The following SPOCK3 variants were observed in gnomAD, a reference collection of about 807,000 sequenced individuals.
SPOCK3 encodes SPARC (osteonectin), cwcv and kazal like domains proteoglycan 3, also known as testican-3.
Under a neutral mutation model 56.6 loss-of-function variants are expected in SPOCK3, and 30 were observed. That is an observed-to-expected ratio of 0.53 (90% confidence interval 0.40 to 0.72). The LOEUF is 0.72. SPOCK3 is among the 30% of genes least tolerant of loss of function. The pLI is 0.00. For synonymous variants in SPOCK3, 196 were observed against 183.3 expected (o/e 1.07, Z -0.56); for missense variants, 527 against 530.0 (o/e 0.99, Z 0.06).
chr4:166,741,778 C>G (rs998794650), intron 9 of SPOCK3, among the ~76,000 whole-genome samples: 1 of 152,078 alleles, frequency 6.6e-6, no homozygotes, highest in South Asian at 2.1e-4. Flanking sequence ...TAATAACTTT[C>G]AAAATGAACA....
At chr4:166,768,475 G>C (rs2126553332) in intron 7 of SPOCK3, among the ~76,000 whole-genome samples, 1 of 152,180 alleles carries the variant, frequency 6.6e-6, no homozygotes, top group East Asian at 1.9e-4. Flanking sequence ...TGAAATTCTG[G>C]GTTGAAAATT....
In SPOCK3 at chr4:167,113,373, A is replaced by ATTT. The variant is rs35390223; in HGVS notation, c.190-50839_190-50837dup. Reference sequence around the variant, plus strand: ...GCATGGCAGGAGGGTTCTTCTTACAATTTTTTTTTTTTTACCATTAACTAT... The same window carrying ATTT: ...GCATGGCAGGAGGGTTCTTCTTACAATTTTTTTTTTTTTTTTACCATTAACTAT... On this transcript the variant is annotated intron_variant, in intron 2 of 10. Transcript: ENST00000357545. 1.2e-4 allele frequency among the ~76,000 whole-genome samples: 17 copies of ATTT among 145,070 alleles called. 1 individual carries two copies. In the South Asian group the frequency reaches 3.2e-3, roughly 28 times the overall value.
intron 5 of SPOCK3, among the ~76,000 whole-genome samples, chr4:166,902,795 T>C (rs977955749): frequency 6.6e-6 from 1 of 151,308 alleles, no homozygotes; most frequent in Non-Finnish European, 1.5e-5. Context: ...ATATTTTAAT[T>C]AAATGCTATT....
intron 2 of SPOCK3, among the ~76,000 whole-genome samples, chr4:167,221,121 A>G (rs1735868890): frequency 6.6e-6 from 1 of 152,058 alleles, no homozygotes; most frequent in African/African-American, 2.4e-5. Flanking sequence ...ACACTCTGGG[A>G]GGCTGAGGCG....
At chr4:166,959,504 T>C (rs1208883281) in intron 4 of SPOCK3, among the ~76,000 whole-genome samples, 3 of 151,856 alleles carry the variant, frequency 2.0e-5, no homozygotes, top group Non-Finnish European at 4.4e-5. Context: ...TCTCAGCTAC[T>C]TGGGAGGCTG....
chr4:166,996,853 AATT>A (rs1274199641), intron 4 of SPOCK3, among the ~76,000 whole-genome samples: 1 of 152,156 alleles, frequency 6.6e-6, no homozygotes, highest in African/African-American at 2.4e-5. Context: ...TTCAGAGGAC[AATT>A]ATTATTATTT....
intron 4 of SPOCK3, among the ~76,000 whole-genome samples, chr4:166,995,646 C>A (rs945663732): frequency 1.3e-5 from 2 of 151,904 alleles, no homozygotes; most frequent in African/African-American, 4.8e-5. Context: ...GCAGAACACC[C>A]AGAAACTCTG....
chr4:167,112,770 G>T (rs1645385744), intron 2 of SPOCK3, among the ~76,000 whole-genome samples: 1 of 151,990 alleles, frequency 6.6e-6, no homozygotes, highest in Non-Finnish European at 1.5e-5. Context: ...ATACCATGGG[G>T]TGTCATCAAG....
chr4:167,198,060 T>C (rs770632827), intron 2 of SPOCK3, among the ~76,000 whole-genome samples: 151 of 152,282 alleles, frequency 9.9e-4, no homozygotes, highest in Non-Finnish European at 1.6e-3. Context: ...TCTATGTCCA[T>C]GGCTGTATTT....
chr4:166,966,336 C>A (rs909440388), intron 4 of SPOCK3, among the ~76,000 whole-genome samples: 1 of 151,656 alleles, frequency 6.6e-6, no homozygotes, highest in East Asian at 1.9e-4. Flanking sequence ...TTCTGAATAA[C>A]CATGGCTTTC....
At chr4:167,126,566 A>T (rs1488807628) in intron 2 of SPOCK3, among the ~76,000 whole-genome samples, 1 of 151,684 alleles carries the variant, frequency 6.6e-6, no homozygotes, top group Non-Finnish European at 1.5e-5. Context: ...AAACAAAAAA[A>T]GTTCATTGCC....
chr4:167,218,742 A>T (rs1022141605), intron 2 of SPOCK3, among the ~76,000 whole-genome samples: 7 of 152,164 alleles, frequency 4.6e-5, no homozygotes, highest in African/African-American at 1.7e-4. Flanking sequence ...TTTTATCTAG[A>T]AAAATATGTA....
intron 3 of SPOCK3, among the ~76,000 whole-genome samples, chr4:167,037,874 T>C (rs932906050): frequency 6.6e-6 from 1 of 152,248 alleles, no homozygotes; most frequent in Non-Finnish European, 1.5e-5. Context: ...TGTCTAGCTT[T>C]TGAGAAAGTA....
chr4:166,786,889 A>G (rs1740785011), intron 7 of SPOCK3, among the ~76,000 whole-genome samples: 1 of 152,142 alleles, frequency 6.6e-6, no homozygotes, highest in African/African-American at 2.4e-5. Context: ...TTGCAGGGAA[A>G]CGGAGTGCTG....
At chr4:166,746,762 G>C (rs968048630) in intron 8 of SPOCK3, among the ~76,000 whole-genome samples, 4 of 152,116 alleles carry the variant, frequency 2.6e-5, no homozygotes, top group African/African-American at 9.7e-5. Context: ...AGAAAAGAGA[G>C]AAGAATCAAA....
chr4:167,141,010 G>T (rs997495484), intron 2 of SPOCK3, among the ~76,000 whole-genome samples: 2 of 151,830 alleles, frequency 1.3e-5, no homozygotes, highest in Non-Finnish European at 2.9e-5. Context: ...AGCCTTCAGA[G>T]GGGGAGGAAA....
intron 4 of SPOCK3, among the ~76,000 whole-genome samples, chr4:166,978,758 T>A (rs1746257217): frequency 6.6e-6 from 1 of 152,124 alleles, no homozygotes; most frequent in African/African-American, 2.4e-5. Flanking sequence ...AGTAACTTAT[T>A]GAGTATAAAT....
intron 7 of SPOCK3, among the ~76,000 whole-genome samples, chr4:166,788,917 C>T (rs964718451): frequency 1.3e-5 from 2 of 151,884 alleles, no homozygotes; most frequent in Admixed American, 6.6e-5. Flanking sequence ...AGATTTTTAA[C>T]AATAGTATCA....
intron 2 of SPOCK3, among the ~76,000 whole-genome samples, chr4:167,066,699 G>A (rs979454977): frequency 1.3e-5 from 2 of 151,712 alleles, no homozygotes; most frequent in African/African-American, 4.8e-5. Flanking sequence ...GCTGTCATAT[G>A]TCCATGCTCT....
Sources: gnomAD v4.1 joint callset for allele counts (sites outside exome capture counted in the v4.1 genomes callset) on GRCh38, gnomAD v4.1.1 for gene constraint, MANE v1.5 for transcripts, NCBI Gene and HGNC (gene_info 2026-07-23, HGNC 2026-07-21) for gene names.